Variants in TOGARAM2 observed in about 807,000 individuals in gnomAD.
The protein encoded by TOGARAM2 is TOG array regulator of axonemal microtubules 2.
TOGARAM2 carries 85 observed loss-of-function variants against 93.3 expected under a neutral mutation model. The ratio of observed to expected loss-of-function variants is 0.91; its 90% CI spans 0.76 to 1.09. TOGARAM2 has a LOEUF of 1.09. TOGARAM2 is among the 50% of genes least tolerant of loss of function. The pLI, the probability that TOGARAM2 is intolerant of heterozygous loss-of-function variation, is 0.00. For missense variants in TOGARAM2, 1,277 were observed against 1,334.5 expected (o/e 0.96, Z 0.67); for synonymous variants, 593 against 552.8 (o/e 1.07, Z -1.02).
intron 8 of TOGARAM2, among the ~76,000 whole-genome samples, chr2:29,014,779 G>A (rs1380252200): frequency 6.6e-6 from 1 of 152,150 alleles, no homozygotes; most frequent in Non-Finnish European, 1.5e-5. Flanking sequence ...CAGAAGCGGG[G>A]TGGGGAACTA....
At chr2:28,974,656 C>G (rs1419395278) in intron 1 of TOGARAM2, among the ~76,000 whole-genome samples, 1 of 152,030 alleles carries the variant, frequency 6.6e-6, no homozygotes, top group Non-Finnish European at 1.5e-5. Flanking sequence ...CTGTGTCACC[C>G]AGGCTGGGGT....
intron 4 of TOGARAM2, 121 bp downstream of exon 4, chr2:28,999,589 C>A: frequency 8.6e-7 from 1 of 1,156,356 alleles, no homozygotes; most frequent in Non-Finnish European, 1.2e-6. Context: ...TGGGGGTGAT[C>A]GGTGGGTACA....
rs143785304 is a variant in TOGARAM2, at chr2:29,033,523, A to G, written c.2185A>G (p.Ser729Gly). The G allele has an allele frequency of 1.9e-6, 3 of 1,613,720 alleles. No homozygotes were observed. The highest frequency in any genetic ancestry group is 2.5e-6 in the Non-Finnish European group (3 of 1,179,834). ...PSAKGRKVLR[S>G]LVVCENGLPI... Reference sequence around the variant, plus strand: ...TGCCAAAGGCCGCAAGGTGTTGAGGAGTCTGGTGGTGTGTGAGAACGGGCT... The same window carrying G: ...TGCCAAAGGCCGCAAGGTGTTGAGGGGTCTGGTGGTGTGTGAGAACGGGCT... The change falls in exon 16 of 20, where the codon AGT (serine) becomes GGT (glycine). Residue 729 changes from serine to glycine, a missense_variant. Physicochemically the swap from Ser to Gly is moderately conservative, Grantham distance 56 (BLOSUM62 0). Transcript: ENST00000379558.
intron 1 of TOGARAM2, among the ~76,000 whole-genome samples, chr2:28,987,179 A>G (rs1209436116): frequency 6.6e-6 from 1 of 152,250 alleles, no homozygotes. Context: ...TCAATGACAT[A>G]GTATTTGGAA....
At chr2:29,025,027 C>T (rs138213753) in intron 13 of TOGARAM2, among the ~76,000 whole-genome samples, 1 of 152,282 alleles carries the variant, frequency 6.6e-6, no homozygotes, top group African/African-American at 2.4e-5. Flanking sequence ...CTGCTTCTCC[C>T]GCACAGCAAA....
intron 18 of TOGARAM2, among the ~76,000 whole-genome samples, chr2:29,042,474 T>C (rs1666494065): frequency 6.6e-6 from 1 of 152,196 alleles, no homozygotes; most frequent in Non-Finnish European, 1.5e-5. Flanking sequence ...CAGGTCTAGA[T>C]GTGTCTAGGG....
chr2:28,961,856 AGT>A (rs761217534), intron 1 of TOGARAM2, among the ~76,000 whole-genome samples: 9 of 152,210 alleles, frequency 5.9e-5, no homozygotes, highest in Non-Finnish European at 8.8e-5. Context: ...TTATGGAATA[AGT>A]GTCTTTGCTT....
intron 1 of TOGARAM2, among the ~76,000 whole-genome samples, chr2:28,986,966 G>A (rs1322215729): frequency 6.6e-6 from 1 of 152,142 alleles, no homozygotes; most frequent in African/African-American, 2.4e-5. Flanking sequence ...CACACAGCTA[G>A]CAGGTGATGG....
In TOGARAM2 at chr2:28,972,858, A is replaced by C. The variant is rs190640434; in HGVS notation, c.-147+16161A>C. Among the ~76,000 whole-genome samples, 29 of 152,266 alleles carry C rather than the reference A, an allele frequency of 1.9e-4. No individual in the cohort carries two copies. The East Asian group carries it at 4.4e-3, about 23-fold the overall frequency. On this transcript the variant is annotated intron_variant, in intron 1 of 6. Coordinates refer to the TOGARAM2 transcript ENST00000401723. ...GCCTGCTTCCTATGAAACATCCTGG[A>C]AAGTTGCTGTCTGGCTTTTTGAACA...
At chr2:28,993,162 G>C (rs948426083) in intron 1 of TOGARAM2, among the ~76,000 whole-genome samples, 1 of 152,142 alleles carries the variant, frequency 6.6e-6, no homozygotes, top group African/African-American at 2.4e-5. Flanking sequence ...GTGGAAATCT[G>C]TAATTTTAAT....
chr2:28,971,037 G>A (rs752294106), intron 1 of TOGARAM2: 1 of 152,208 alleles, frequency 6.6e-6, no homozygotes, highest in Non-Finnish European at 1.5e-5. Context: ...CACAGCTGGA[G>A]CCAGCAGGCC....
intron 6 of TOGARAM2, among the ~76,000 whole-genome samples, chr2:29,007,895 C>G (rs948357482): frequency 6.6e-6 from 1 of 151,952 alleles, no homozygotes; most frequent in Non-Finnish European, 1.5e-5. Flanking sequence ...TGGTGCTTCC[C>G]CTCGTCCATC....
At chr2:29,033,365 T>C in intron 15 of TOGARAM2, 104 bp from the exon 16 acceptor site, 2 of 1,086,488 alleles carry the variant, frequency 1.8e-6, no homozygotes, top group Non-Finnish European at 1.4e-6. Flanking sequence ...GAAGCTCTCC[T>C]AGGTGGAAGG....
At chr2:29,014,271 C>A in intron 7 of TOGARAM2, 124 bp from the exon 8 acceptor site, 1 of 1,191,368 alleles carries the variant, frequency 8.4e-7, no homozygotes, top group Non-Finnish European at 1.2e-6. Context: ...TAACTCAGGT[C>A]TTGCTCCATT....
At position 29,045,346 on chromosome 2, in the gene TOGARAM2, G is replaced by A. The variant is rs368033428; in HGVS notation, c.2658G>A (p.Ala886=). The change falls in exon 19 of 20, where the codon GCG becomes GCA. Residue 886 remains alanine, a synonymous_variant. Transcript: ENST00000379558. ...ESLDNLCLLP[A]LAGRVRFLSG... is the part of the protein sequence containing the mutation. ...CAGACAACCTTTGCCTTCTACCAGC[G>A]CTTGCTGGGCGAGTGCGTTTCCTGA... 216 of 1,613,384 alleles carry A rather than the reference G, an allele frequency of 1.3e-4. No homozygotes were observed. Among genetic ancestry groups the A allele is most frequent in the Non-Finnish European group, 1.7e-4 (204 of 1,179,860 alleles).
Position 29,022,164 on chromosome 2 carries a change from C to A in TOGARAM2, c.1367C>A (p.Ser456Ter). 1 of 1,614,004 alleles carries A rather than the reference C, an allele frequency of 6.2e-7. No individual in the cohort carries two copies. Among genetic ancestry groups the A allele is most frequent in the Non-Finnish European group, 8.5e-7 (1 of 1,179,886 alleles). Reference protein sequence around the residue: ...PRFARHASANSLPAVLTLGSP... With the variant: ...PRFARHASAN ...TTCTTTCTTGTGAATGCAGCTAACT[C>A]ATTACCTGCGGTGCTCACGTTGGGG... The change falls in exon 11 of 20, where the codon TCA (serine) becomes TAA (stop). Residue 456 changes from serine (S) to a stop codon, truncating the protein, a stop_gained. Coordinates refer to ENST00000379558, the MANE Select transcript of TOGARAM2 (RefSeq NM_199280.4). LOFTEE classifies it high-confidence loss of function.
chr2:29,024,932 G>A (rs1022453174), intron 13 of TOGARAM2, among the ~76,000 whole-genome samples: 1 of 152,164 alleles, frequency 6.6e-6, no homozygotes, highest in African/African-American at 2.4e-5. Context: ...GAAGGTATTG[G>A]GTTCCTGTTG....
At chr2:29,035,751 G>C in intron 17 of TOGARAM2, 95 bp downstream of exon 17, 1 of 1,204,956 alleles carries the variant, frequency 8.3e-7, no homozygotes, top group South Asian at 3.0e-5. Flanking sequence ...ACATGTGTCA[G>C]ACCCCTTGCT....
In TOGARAM2 at chr2:28,999,502, C is replaced by T. The variant is rs772845544; in HGVS notation, c.427+34C>T. On this transcript the variant is annotated intron_variant, in intron 4 of 19. Coordinates refer to ENST00000379558, the MANE Select transcript of TOGARAM2 (RefSeq NM_199280.4). ...TGGCCCCTGCCCACCCCTCACCCAC[C>T]CACTTCCAGGTCAAGGGCCGCAGGC... The T allele has an allele frequency of 2.6e-6, 4 of 1,546,280 alleles. No homozygotes were observed. In the African/African-American group the frequency reaches 5.5e-5, roughly 21 times the overall value.
Sources: gnomAD v4.1 joint callset for allele counts (sites outside exome capture counted in the v4.1 genomes callset) on GRCh38, gnomAD v4.1.1 for gene constraint, MANE v1.5 for transcripts, NCBI Gene and HGNC (gene_info 2026-07-23, HGNC 2026-07-21) for gene names.